Variants in TCF7L1 observed in about 807,000 individuals in gnomAD.
TCF7L1 encodes transcription factor 7 like 1.
A neutral mutation model predicts 63.7 loss-of-function variants in TCF7L1; 18 were observed. The observed-to-expected ratio is 0.28, with a 90% confidence interval of 0.20 to 0.42. The LOEUF (loss-of-function observed/expected upper bound fraction) is 0.42, where lower values mean the gene tolerates loss of function less well. Ranked by LOEUF, TCF7L1 falls within the 10% of genes least tolerant of loss-of-function variation. The pLI, the probability that TCF7L1 is intolerant of heterozygous loss-of-function variation, is 1.00. For missense variants in TCF7L1, 654 were observed against 779.3 expected (o/e 0.84, Z 1.91); for synonymous variants, 355 against 340.9 (o/e 1.04, Z -0.46).
chr2:85,239,441 C>T (rs984215212), intron 3 of TCF7L1, among the ~76,000 whole-genome samples: 9 of 152,126 alleles, frequency 5.9e-5, no homozygotes, highest in African/African-American at 1.9e-4. Flanking sequence ...ACAGTGTGGA[C>T]TGTTTCTCCT....
At chr2:85,143,065 T>A (rs1400862643) in intron 3 of TCF7L1, among the ~76,000 whole-genome samples, 1 of 152,214 alleles carries the variant, frequency 6.6e-6, no homozygotes, top group South Asian at 2.1e-4. Flanking sequence ...TTTCAGGAGT[T>A]TTTGTGGATA....
At chr2:85,228,602 T>C (rs917338077) in intron 3 of TCF7L1, among the ~76,000 whole-genome samples, 14 of 152,006 alleles carry the variant, frequency 9.2e-5, no homozygotes, top group Admixed American at 6.6e-4. Context: ...GACTTGGGGT[T>C]CCCAAGGAGT....
intron 3 of TCF7L1, among the ~76,000 whole-genome samples, chr2:85,190,472 C>T (rs1679017884): frequency 6.6e-6 from 1 of 152,084 alleles, no homozygotes; most frequent in Admixed American, 6.6e-5. Context: ...AAGGGCAGGA[C>T]CTGGTGCTGA....
rs528808345 is a variant in TCF7L1 at position 85,305,711 on chromosome 2, G to A, written c.989+308G>A. Among the ~76,000 whole-genome samples the A allele has an allele frequency of 3.3e-5, 5 of 152,302 alleles. No individual in the cohort carries two copies. In the South Asian group the frequency reaches 1.0e-3, roughly 32 times the overall value. ...ACCGTAAGATATATGAAAAGGTGAG[G>A]CCCAGAAAGGAGACAGTGTTTTCTT... On this transcript the variant is annotated intron_variant, in intron 8 of 11. Transcript: ENST00000282111.
At chr2:85,137,400 T>G (rs1574074141) in intron 3 of TCF7L1, among the ~76,000 whole-genome samples, 1 of 151,926 alleles carries the variant, frequency 6.6e-6, no homozygotes, top group African/African-American at 2.4e-5. Flanking sequence ...AGAGAAGAGG[T>G]CCCCTCAGCA....
intron 3 of TCF7L1, among the ~76,000 whole-genome samples, chr2:85,232,353 A>T (rs554302666): frequency 6.6e-6 from 1 of 152,024 alleles, no homozygotes; most frequent in African/African-American, 2.4e-5. Context: ...TTTTAATCAT[A>T]TTTCCTCCTC....
At chr2:85,204,292 C>CCCCT (rs1679342403) in intron 3 of TCF7L1, among the ~76,000 whole-genome samples, 1 of 5,902 alleles carries the variant, frequency 1.7e-4, no homozygotes. Flanking sequence ...TAACTTGCTT[C>CCCCT]CCCCCCCCCC....
rs1574072254 is a variant in TCF7L1, at chr2:85,133,714, C to T, written c.30C>T (p.Gly10=). The T allele has an allele frequency of 5.3e-6, 6 of 1,124,270 alleles. No individual in the cohort carries two copies. The highest frequency in any genetic ancestry group is 4.7e-5 in the East Asian group (1 of 21,364). The allele number at this position is 1,124,270 out of a possible 1,614,324, so 69.6% of individuals were successfully genotyped here. Residue 10 remains glycine, a synonymous_variant, in exon 1 of 12, where the codon GGC becomes GGT. Coordinates refer to ENST00000282111, the MANE Select transcript of TCF7L1 (RefSeq NM_031283.3). This position sits in a 1 kb window ranked among gnomAD's most constrained non-coding sequence, Gnocchi z 4.4. MPQLGGGGG[G]GGGGSGGGGG... ...CCCAGCTCGGCGGCGGGGGCGGCGG[C>T]GGCGGCGGCGGCAGCGGGGGAGGCG...
intron 4 of TCF7L1, 71 bp downstream of exon 4, chr2:85,283,649 C>A: frequency 6.5e-7 from 1 of 1,532,328 alleles, no homozygotes; most frequent in Non-Finnish European, 9.0e-7. Flanking sequence ...CTGCCTTCTG[C>A]CATCACGCTG....
At position 85,246,827 on chromosome 2, in the gene TCF7L1, A is replaced by G. The variant is rs192217891; in HGVS notation, c.442-36668A>G. 1.2e-4 allele frequency among the ~76,000 whole-genome samples: 18 copies of G among 152,290 alleles called. No individual in the cohort carries two copies. In the East Asian group the frequency reaches 3.3e-3, roughly 28 times the overall value. ...ATTATCTGATACATGTACCCCCATG[A>G]TGGTTTTGACCACCACCCTCCTTCC... On this transcript the variant is annotated intron_variant, in intron 3 of 11. Coordinates refer to ENST00000282111, the MANE Select transcript of TCF7L1 (RefSeq NM_031283.3).
chr2:85,154,574 A>T (rs1267313958), intron 3 of TCF7L1, among the ~76,000 whole-genome samples: 1 of 152,090 alleles, frequency 6.6e-6, no homozygotes, highest in Non-Finnish European at 1.5e-5. Flanking sequence ...GTCTCACCTC[A>T]TACTTCCCTG....
intron 3 of TCF7L1, among the ~76,000 whole-genome samples, chr2:85,225,437 T>C (rs1031813853): frequency 2.0e-5 from 3 of 152,240 alleles, no homozygotes; most frequent in African/African-American, 4.8e-5. Context: ...TTTGTTTGTG[T>C]CTTCTTTTAT....
intron 3 of TCF7L1, among the ~76,000 whole-genome samples, chr2:85,276,827 G>A (rs1053647592): frequency 3.9e-5 from 6 of 152,214 alleles, no homozygotes; most frequent in South Asian, 2.1e-4. Context: ...GACAGAGTGT[G>A]CAAATGGGGA....
At chr2:85,238,893 C>G (rs979176962) in intron 3 of TCF7L1, among the ~76,000 whole-genome samples, 1 of 151,670 alleles carries the variant, frequency 6.6e-6, no homozygotes, top group Admixed American at 6.6e-5. Flanking sequence ...AATTTCCACT[C>G]ACTGCTGACT....
At chr2:85,150,382 C>T (rs929133538) in intron 3 of TCF7L1, among the ~76,000 whole-genome samples, 2 of 152,068 alleles carry the variant, frequency 1.3e-5, no homozygotes, top group Non-Finnish European at 2.9e-5. Flanking sequence ...TACAGGCGCC[C>T]GCCACCACGC....
At chr2:85,301,102 T>G (rs1164131162) in intron 4 of TCF7L1, among the ~76,000 whole-genome samples, 1 of 152,180 alleles carries the variant, frequency 6.6e-6, no homozygotes, top group Non-Finnish European at 1.5e-5. Context: ...TAAAAAGAAA[T>G]CTCTTCTCCA....
At chr2:85,307,004 GCCCA>G (rs1478706612) in intron 10 of TCF7L1, among the ~76,000 whole-genome samples, 1 of 152,208 alleles carries the variant, frequency 6.6e-6, no homozygotes, top group Non-Finnish European at 1.5e-5. Flanking sequence ...TCAGGGAGAA[GCCCA>G]TACTTCTCTA....
chr2:85,251,458 G>A (rs1044914171), intron 3 of TCF7L1, among the ~76,000 whole-genome samples: 1 of 152,132 alleles, frequency 6.6e-6, no homozygotes, highest in Non-Finnish European at 1.5e-5. Flanking sequence ...TTCCATAAAG[G>A]CTTTTTCTAG....
At chr2:85,273,568 TG>T (rs779492118) in intron 3 of TCF7L1, among the ~76,000 whole-genome samples, 36 of 152,364 alleles carry the variant, frequency 2.4e-4, no homozygotes, top group South Asian at 2.1e-3. Flanking sequence ...CTGTTAGCAG[TG>T]TCAACTGGGA....
Sources: gnomAD v4.1 joint callset for allele counts (sites outside exome capture counted in the v4.1 genomes callset) on GRCh38, gnomAD v4.1.1 for gene constraint, Gnocchi (gnomAD v3.1) non-coding constraint, MANE v1.5 for transcripts, NCBI Gene and HGNC (gene_info 2026-07-23, HGNC 2026-07-21) for gene names.